Variants in GRIK2 observed in about 807,000 individuals in gnomAD.
The protein encoded by GRIK2 is glutamate receptor ionotropic, kainate 2.
A neutral mutation model predicts 100.3 loss-of-function variants in GRIK2; 32 were observed. That is an observed-to-expected ratio of 0.32 (90% CI 0.24 to 0.43). The LOEUF (loss-of-function observed/expected upper bound fraction) is 0.43, where lower values mean the gene tolerates loss of function less well. Ranked by LOEUF, GRIK2 falls within the 20% of genes least tolerant of loss-of-function variation. The pLI is 1.00. For missense variants in GRIK2, 843 were observed against 1,114.9 expected, an observed-to-expected ratio of 0.76 and a Z score of 3.47; for synonymous variants, 417 against 389.4, an observed-to-expected ratio of 1.07 and a Z score of -0.83.
chr6:101,947,926 C>T (rs1037715925), intron 14 of GRIK2, among the ~76,000 whole-genome samples: 1 of 152,042 alleles, frequency 6.6e-6, no homozygotes, highest in Non-Finnish European at 1.5e-5. Context: ...TCAGGTAATA[C>T]CTGATTAGGT....
intron 4 of GRIK2, among the ~76,000 whole-genome samples, chr6:101,643,468 A>G (rs1781377124): frequency 6.6e-6 from 1 of 151,600 alleles, no homozygotes; most frequent in Non-Finnish European, 1.5e-5. Context: ...CTGTTTATTG[A>G]AAAGACTATT....
At position 101,781,540 on chromosome 6, in the gene GRIK2, CATACAT is replaced by C. The variant is rs1367477310; in HGVS notation, c.952-18102_952-18097del. ...TGTGTTCTGGCTCCTGTAGTAGATACATACATATACACATATGCATACATACACACA... is the reference window on the plus strand; with the variant it reads ...TGTGTTCTGGCTCCTGTAGTAGATACATACACATATGCATACATACACACA... On this transcript the variant is annotated intron_variant, in intron 7 of 16. Transcript: ENST00000369134. 2.0e-5 allele frequency among the ~76,000 whole-genome samples: 3 copies of C among 152,210 alleles called. No homozygotes were observed. In the East Asian group the frequency reaches 5.8e-4, roughly 29 times the overall value.
chr6:101,556,296 A>G (rs1404470186), intron 2 of GRIK2, among the ~76,000 whole-genome samples: 2 of 145,518 alleles, frequency 1.4e-5, no homozygotes, highest in African/African-American at 2.5e-5. Context: ...GAAATACAAC[A>G]ATTGCACTAT....
chr6:102,062,719 A>G (rs1771816326), intron 16 of GRIK2, among the ~76,000 whole-genome samples: 1 of 150,528 alleles, frequency 6.6e-6, no homozygotes, highest in Non-Finnish European at 1.5e-5. Flanking sequence ...CCTTAGGTCA[A>G]TTCATACTTC....
chr6:101,922,523 A>G, intron 12 of GRIK2, among the ~76,000 whole-genome samples: 1 of 152,320 alleles, frequency 6.6e-6, no homozygotes, highest in South Asian at 2.1e-4. Flanking sequence ...TTAAAATTGG[A>G]GGTTGAATAA....
chr6:101,656,803 T>C (rs908925148), intron 4 of GRIK2, among the ~76,000 whole-genome samples: 1 of 152,226 alleles, frequency 6.6e-6, no homozygotes, highest in Non-Finnish European at 1.5e-5. Context: ...TTTAAGTTTC[T>C]TAAAAGCAGA....
At chr6:101,768,125 C>T (rs1778150331) in intron 7 of GRIK2, among the ~76,000 whole-genome samples, 1 of 152,080 alleles carries the variant, frequency 6.6e-6, no homozygotes, top group African/African-American at 2.4e-5. Flanking sequence ...TCCCAAAGTG[C>T]TGGGATTACA....
intron 11 of GRIK2, among the ~76,000 whole-genome samples, chr6:101,869,123 G>A (rs563790295): frequency 2.0e-5 from 3 of 151,928 alleles, no homozygotes; most frequent in South Asian, 2.1e-4. Context: ...ATTGAAGCAC[G>A]TATTCTACCT....
At chr6:101,939,362 A>G (rs1406955306) in intron 14 of GRIK2, among the ~76,000 whole-genome samples, 3 of 152,036 alleles carry the variant, frequency 2.0e-5, no homozygotes, top group East Asian at 3.9e-4. Flanking sequence ...AATTCCCAAT[A>G]TATATTTGCT....
intron 4 of GRIK2, among the ~76,000 whole-genome samples, chr6:101,632,365 C>T (rs1239374520): frequency 6.6e-6 from 1 of 152,136 alleles, no homozygotes; most frequent in East Asian, 1.9e-4. Context: ...TTATCACCAG[C>T]ATCTAGAATG....
chr6:101,990,654 A>T (rs908840975), intron 14 of GRIK2, among the ~76,000 whole-genome samples: 2 of 151,594 alleles, frequency 1.3e-5, no homozygotes, highest in African/African-American at 4.8e-5. Context: ...TTCTAATTTC[A>T]TTAAGGGAAG....
chr6:101,776,450 C>T (rs866651917), intron 7 of GRIK2, among the ~76,000 whole-genome samples: 30 of 152,008 alleles, frequency 2.0e-4, no homozygotes, highest in Middle Eastern at 6.8e-3. Context: ...ATTACAAAAC[C>T]GGTATAAAAT....
chr6:101,912,181 A>G (rs1178432491), intron 12 of GRIK2, among the ~76,000 whole-genome samples: 1 of 151,216 alleles, frequency 6.6e-6, no homozygotes, highest in Non-Finnish European at 1.5e-5. Context: ...ACAACTATCA[A>G]TTATATTTTT....
chr6:101,577,085 A>C (rs17062194), intron 2 of GRIK2, among the ~76,000 whole-genome samples: 12,785 of 151,938 alleles, frequency 0.084, 1,408 homozygotes, highest in African/African-American at 0.26. Flanking sequence ...ATGTCATTAG[A>C]TATCAAGTAA....
At chr6:101,976,682 C>T (rs892492614) in intron 14 of GRIK2, among the ~76,000 whole-genome samples, 4 of 151,530 alleles carry the variant, frequency 2.6e-5, no homozygotes, top group African/African-American at 9.7e-5. Context: ...AAAGAGACAT[C>T]CTGTTTCTTA....
intron 7 of GRIK2, among the ~76,000 whole-genome samples, chr6:101,769,175 G>A (rs1031387009): frequency 2.0e-5 from 3 of 152,114 alleles, no homozygotes; most frequent in African/African-American, 7.2e-5. Flanking sequence ...ATGGATATGT[G>A]TAATATCTTT....
intron 2 of GRIK2, among the ~76,000 whole-genome samples, chr6:101,496,048 C>T (rs573008542): frequency 7.2e-5 from 11 of 152,192 alleles, no homozygotes; most frequent in South Asian, 6.2e-4. Flanking sequence ...TGGGTTCAAA[C>T]GATTCTCATG....
At chr6:101,807,093 G>A (rs369572474) in intron 9 of GRIK2, among the ~76,000 whole-genome samples, 4 of 152,032 alleles carry the variant, frequency 2.6e-5, no homozygotes, top group South Asian at 2.1e-4. Flanking sequence ...CACACAGAAC[G>A]CTTACTCAAG....
At chr6:101,757,287 T>C (rs1030883265) in intron 7 of GRIK2, among the ~76,000 whole-genome samples, 7 of 152,190 alleles carry the variant, frequency 4.6e-5, no homozygotes, top group Admixed American at 4.6e-4. Flanking sequence ...ATTTATACAG[T>C]ACCTAATGTA....
Sources: gnomAD v4.1 joint callset for allele counts (sites outside exome capture counted in the v4.1 genomes callset) on GRCh38, gnomAD v4.1.1 for gene constraint, MANE v1.5 for transcripts, NCBI Gene and HGNC (gene_info 2026-07-23, HGNC 2026-07-21) for gene names.